Variants in CNIH2 observed in about 807,000 individuals in gnomAD.
The protein encoded by CNIH2 is cornichon family AMPA receptor auxiliary protein 2.
Under a neutral mutation model 22.9 loss-of-function variants are expected in CNIH2, and 8 were observed. The ratio of observed to expected loss-of-function variants is 0.35; its 90% CI spans 0.20 to 0.63. The LOEUF (loss-of-function observed/expected upper bound fraction) is 0.63, where lower values mean the gene tolerates loss of function less well. Among genes scored for constraint, CNIH2 ranks in the 30% least tolerant of loss-of-function variants. The pLI is 0.72. For missense variants in CNIH2, 105 were observed against 206.2 expected, an observed-to-expected ratio of 0.51 and a Z score of 3.01; for synonymous variants, 74 against 78.2, an observed-to-expected ratio of 0.95 and a Z score of 0.28.
At chr11:66,281,411 G>A (rs1188534009) in intron 1 of CNIH2, 2 of 456,080 alleles carry the variant, frequency 4.4e-6, no homozygotes, top group African/African-American at 2.0e-5. Context: ...TCCACATACC[G>A]GCCAGGAGAA....
intron 1 of CNIH2, 105 bp downstream of exon 1, chr11:66,278,642 C>A: frequency 1.3e-6 from 1 of 762,302 alleles, no homozygotes; most frequent in Non-Finnish European, 1.8e-6. Context: ...GGGAAACTTG[C>A]TATCCCCCAG....
rs1036149918 is a variant in CNIH2, at chr11:66,282,618, A to T, written c.151-115A>T. ...GCGCGGCTGCTTCCCGGCCGTGCCG[A>T]CAGTGCCGCAGAGATCGCTCTGGCG... is the stretch of plus-strand genomic sequence containing the variant. On this transcript the variant is annotated intron_variant, in intron 2 of 5. Coordinates refer to ENST00000311445, the MANE Select transcript of CNIH2 (RefSeq NM_182553.3). The T allele has an allele frequency of 1.1e-4, 143 of 1,268,366 alleles. No homozygotes were observed. In the East Asian group the frequency reaches 3.3e-3, roughly 30 times the overall value. The allele number at this position is 1,268,366 out of a possible 1,614,324, so 78.6% of individuals were successfully genotyped here.
In CNIH2 at chr11:66,283,641, C is replaced by A; in HGVS notation, c.*44C>A. 1 of 1,552,104 alleles carries A rather than the reference C, an allele frequency of 6.4e-7. No homozygotes were observed. The highest frequency in any genetic ancestry group is 1.2e-5 in the South Asian group (1 of 84,314). On this transcript the variant is annotated 3_prime_UTR_variant, in exon 6 of 6. Coordinates refer to ENST00000311445, the MANE Select transcript of CNIH2 (RefSeq NM_182553.3). ...AGCGAGCCCAGAACGGACCGGACGC[C>A]TGTGCACCCCCAGCCCTGCCCCTTG...
At chr11:66,280,497 C>T (rs1172403712) in intron 1 of CNIH2, among the ~76,000 whole-genome samples, 2 of 152,176 alleles carry the variant, frequency 1.3e-5, no homozygotes, top group Non-Finnish European at 2.9e-5. Flanking sequence ...CAGGGCGGGA[C>T]CCCAGATCCC....
chr11:66,280,121 T>G (rs1353722952), intron 1 of CNIH2, among the ~76,000 whole-genome samples: 1 of 152,216 alleles, frequency 6.6e-6, no homozygotes, highest in Non-Finnish European at 1.5e-5. Flanking sequence ...CAGGGGATCC[T>G]CAGCAGTTTA....
chr11:66,282,852 G>C lies in CNIH2; in HGVS notation c.198+72G>C. 2.0e-6 allele frequency: 3 copies of C among 1,535,130 alleles called. No homozygotes were observed. In the Admixed American group the frequency reaches 5.5e-5, roughly 28 times the overall value. On this transcript the variant is annotated intron_variant, in intron 3 of 5. Transcript: ENST00000311445. Reference sequence around the variant, plus strand: ...CCCACTGTCTGTGGCCCAGAACCAGGCCTTCCCCTGCTTTGGGCCTGTTTG... The same window carrying C: ...CCCACTGTCTGTGGCCCAGAACCAGCCCTTCCCCTGCTTTGGGCCTGTTTG...
chr11:66,278,582 G>A lies in CNIH2; in HGVS notation c.81+45G>A. The stretch of plus-strand genomic sequence containing the variant: ...GGGGCTGGGGGCGGGGTGGGGGGCA[G>A]GGGCCACGCGGAGCTGGAGGGACCC... On this transcript the variant is annotated intron_variant, in intron 1 of 5. Coordinates refer to ENST00000311445, the MANE Select transcript of CNIH2 (RefSeq NM_182553.3). 4 of 1,157,640 alleles carry A rather than the reference G, an allele frequency of 3.5e-6. No individual in the cohort carries two copies. In the Admixed American group the frequency reaches 8.9e-5, roughly 26 times the overall value. 71.7% of individuals were successfully genotyped at this position (1,157,640 alleles called of 1,614,324 possible). A position where few individuals can be genotyped will look rare whatever the true frequency, so the allele number is the denominator to read the frequency against.
At chr11:66,282,429 G>GGGGTGGGGGGGGGGC in intron 2 of CNIH2, 102 bp downstream of exon 2, 1 of 479,466 alleles carries the variant, frequency 2.1e-6, no homozygotes, top group Non-Finnish European at 4.2e-6. Context: ...GGGGTGGGGG[G>GGGGTGGGGGGGGGGC]CCTACGGCCA....
At chr11:66,281,268 G>A in intron 1 of CNIH2, 1 of 420,874 alleles carries the variant, frequency 2.4e-6, no homozygotes, top group Admixed American at 2.5e-5. Flanking sequence ...GTCACACTGG[G>A]TTAGAATCCA....
Position 66,284,075 on chromosome 11 carries a change from T to C in CNIH2, c.*478T>C. 5.5e-6 allele frequency: 1 copy of C among 183,166 alleles called. No individual in the cohort carries two copies. Among genetic ancestry groups the C allele is most frequent in the Non-Finnish European group, 1.2e-5 (1 of 86,166 alleles). The allele number at this position is 183,166 out of a possible 1,614,324, so 11.3% of individuals were successfully genotyped here. A position where few individuals can be genotyped will look rare whatever the true frequency, so the allele number is the denominator to read the frequency against. On this transcript the variant is annotated 3_prime_UTR_variant, in exon 6 of 6. Transcript: ENST00000311445. ...CCTCCCCTCTCCCCCAGGCTCTTTCTCCAGCCCTGTCTCCATCTGCCCCAA... is the reference window on the plus strand; with the variant it reads ...CCTCCCCTCTCCCCCAGGCTCTTTCCCCAGCCCTGTCTCCATCTGCCCCAA...
chr11:66,278,448 G>A lies in CNIH2; in HGVS notation c.-9G>A, dbSNP rs376740698. The A allele has an allele frequency of 1.5e-6, 2 of 1,294,314 alleles. No individual in the cohort carries two copies. Among genetic ancestry groups the A allele is most frequent in the African/African-American group, 1.6e-5 (1 of 63,744 alleles). The allele number at this position is 1,294,314 out of a possible 1,614,324, so 80.2% of individuals were successfully genotyped here. On this transcript the variant is annotated 5_prime_UTR_variant, in exon 1 of 6. Transcript: ENST00000311445. ...GGCGCCCCCCGGGCCGCCGCCCGGC[G>A]CGGGGGCCATGGCGTTCACCTTCGC...
At chr11:66,280,630 G>A (rs933218888) in intron 1 of CNIH2, among the ~76,000 whole-genome samples, 4 of 152,184 alleles carry the variant, frequency 2.6e-5, no homozygotes, top group Admixed American at 1.3e-4. Flanking sequence ...CAGGCAGCCT[G>A]GGGGGTGGGA....
rs1446100631 is a variant in CNIH2, at chr11:66,283,664, T to C, written c.*67T>C. 4 of 1,533,970 alleles carry C rather than the reference T, an allele frequency of 2.6e-6. No individual in the cohort carries two copies. In the East Asian group the frequency reaches 7.4e-5, roughly 28 times the overall value. ...GCCTGTGCACCCCCAGCCCTGCCCC[T>C]TGGCCGCAGAGGCCTCAGCCCTGGG... On this transcript the variant is annotated 3_prime_UTR_variant, in exon 6 of 6. Transcript: ENST00000311445.
chr11:66,279,155 T>C (rs1303164329), intron 1 of CNIH2, among the ~76,000 whole-genome samples: 1 of 150,166 alleles, frequency 6.7e-6, no homozygotes, highest in East Asian at 2.0e-4. Context: ...CCCCCCAGGT[T>C]TCCTCTCCAT....
At position 66,279,579 on chromosome 11, in the gene CNIH2, T is replaced by C. The variant is rs138103831; in HGVS notation, c.81+1042T>C. ...GATTGTCATTCCCTTTCAGGGGTCC[T>C]CTTATCCCTCCCTCAATCCCATTTC... On this transcript the variant is annotated intron_variant, in intron 1 of 5. Transcript: ENST00000311445. Among the ~76,000 whole-genome samples, 1,379 of 152,138 alleles carry C rather than the reference T, an allele frequency of 9.1e-3. 26 individuals are homozygous for C. The highest frequency in any genetic ancestry group is 0.031 in the African/African-American group (1,289 of 41,490).
At chr11:66,282,418 T>TGGG in intron 2 of CNIH2, 91 bp downstream of exon 2, 5 of 161,806 alleles carry the variant, frequency 3.1e-5, no homozygotes, top group East Asian at 1.1e-4. Context: ...AAGACGGGGG[T>TGGG]GGGGTGGGGG....
At position 66,278,545 on chromosome 11, in the gene CNIH2, C is replaced by CGGGCTG. The variant is rs748492246; in HGVS notation, c.81+24_81+29dup. ...TTCTTTGTCATCTGGCACGTAAGGC[C>CGGGCTG]GGGCTGGGGCTGGGGCTGGGGGCGG... On this transcript the variant is annotated intron_variant, in intron 1 of 5. Coordinates refer to ENST00000311445, the MANE Select transcript of CNIH2 (RefSeq NM_182553.3). 94 of 646,904 alleles carry CGGGCTG rather than the reference C, an allele frequency of 1.5e-4. 1 individual carries two copies. In the East Asian group the frequency reaches 3.7e-3, roughly 25 times the overall value. The allele number at this position is 646,904 out of a possible 1,614,324, so 40.1% of individuals were successfully genotyped here. A position where few individuals can be genotyped will look rare whatever the true frequency, so the allele number is the denominator to read the frequency against.
At position 66,279,121 on chromosome 11, in the gene CNIH2, C is replaced by T. The variant is rs537194186; in HGVS notation, c.81+584C>T. On this transcript the variant is annotated intron_variant, in intron 1 of 5. Coordinates refer to ENST00000311445, the MANE Select transcript of CNIH2 (RefSeq NM_182553.3). ...CACCGGCTCACCTTGGGTTTCCCTACCCCTCCTGTTGGGGGCTTCCCAGCC... is the reference window on the plus strand; with the variant it reads ...CACCGGCTCACCTTGGGTTTCCCTATCCCTCCTGTTGGGGGCTTCCCAGCC... Among the ~76,000 whole-genome samples the T allele has an allele frequency of 2.1e-3, 314 of 151,328 alleles. 2 individuals are homozygous for T. The highest frequency in any genetic ancestry group is 7.2e-3 in the African/African-American group (295 of 41,132).
At chr11:66,282,144 C>T in intron 1 of CNIH2, 115 bp from the exon 2 acceptor site, 3 of 929,744 alleles carry the variant, frequency 3.2e-6, no homozygotes, top group Admixed American at 3.7e-5. Flanking sequence ...GTTTCTCCAC[C>T]TTTGCAACAA....
Sources: allele counts gnomAD v4.1 joint callset (sites outside exome capture counted in the v4.1 genomes callset), GRCh38; gene constraint gnomAD v4.1.1; transcripts MANE v1.5; gene names NCBI Gene and HGNC (gene_info 2026-07-23, HGNC 2026-07-21).